The following KMT2C variants were observed in gnomAD, a reference collection of about 807,000 sequenced individuals.
KMT2C encodes the protein lysine methyltransferase 2C.
Under a neutral mutation model 507.9 loss-of-function variants are expected in KMT2C, and 88 were observed. That is an observed-to-expected ratio of 0.17 (90% CI 0.15 to 0.21). The LOEUF (loss-of-function observed/expected upper bound fraction) is 0.21, where lower values mean the gene tolerates loss of function less well. Among genes scored for constraint, KMT2C ranks in the 10% least tolerant of loss-of-function variants. KMT2C has a pLI of 1.00. For missense variants in KMT2C, 4,954 were observed against 5,957.8 expected (o/e 0.83, Z 5.55); for synonymous variants, 2,049 against 2,080.8 (o/e 0.98, Z 0.42).
At chr7:152,301,226 C>T (rs1370970153) in intron 6 of KMT2C, among the ~76,000 whole-genome samples, 1 of 149,918 alleles carries the variant, frequency 6.7e-6, no homozygotes, top group African/African-American at 2.5e-5. Context: ...AAAAGTTGGC[C>T]GGGTGTGATG....
At chr7:152,334,575 C>T (rs2096916561) in intron 2 of KMT2C, among the ~76,000 whole-genome samples, 1 of 152,160 alleles carries the variant, frequency 6.6e-6, no homozygotes, top group South Asian at 2.1e-4. Context: ...ACCCTCTTTG[C>T]AGCAAACCAT....
intron 6 of KMT2C, among the ~76,000 whole-genome samples, chr7:152,280,232 C>T (rs1382608629): frequency 6.6e-6 from 1 of 152,042 alleles, no homozygotes; most frequent in Non-Finnish European, 1.5e-5. Flanking sequence ...GTGACCCAAG[C>T]CAATAGGCAG....
At chr7:152,399,974 C>G (rs1465506623) in intron 1 of KMT2C, among the ~76,000 whole-genome samples, 1 of 151,784 alleles carries the variant, frequency 6.6e-6, no homozygotes, top group Non-Finnish European at 1.5e-5. Context: ...TTCAGTAAGT[C>G]TAATAATCCA....
chr7:152,168,408 G>C (rs1231947486), intron 41 of KMT2C, among the ~76,000 whole-genome samples: 1 of 152,114 alleles, frequency 6.6e-6, no homozygotes, highest in Non-Finnish European at 1.5e-5. Context: ...AATGTAGGGG[G>C]AATTTCAAAA....
chr7:152,214,939 A>G (rs1205005884), intron 23 of KMT2C, among the ~76,000 whole-genome samples: 1 of 152,140 alleles, frequency 6.6e-6, no homozygotes, highest in African/African-American at 2.4e-5. Context: ...AAATTTGCTG[A>G]AAGAGATTTT....
chr7:152,348,621 A>AGAAAG (rs1432987849), intron 2 of KMT2C, among the ~76,000 whole-genome samples: 5 of 143,154 alleles, frequency 3.5e-5, no homozygotes, highest in African/African-American at 1.4e-4. Context: ...AAAAAAAAAA[A>AGAAAG]AAAGAAAGAA....
At position 152,250,870 on chromosome 7, in the gene KMT2C, G is replaced by A; in HGVS notation, c.1718C>T (p.Pro573Leu). The A allele has an allele frequency of 1.3e-6, 2 of 1,587,580 alleles. No homozygotes were observed. The highest frequency in any genetic ancestry group is 1.7e-6 in the Non-Finnish European group (2 of 1,156,076). The stretch of plus-strand genomic sequence containing the variant: ...ATTCTTACCATCTGGAACAATTCCA[G>A]GAGTGGACTCCTGACCGTTGACATC... ...NKDVNGQEST[P>L]GIVPDAVQVH... is the part of the protein sequence containing the mutation. The change falls in exon 12 of 59, where the codon CCT becomes CTT. Residue 573 changes from proline (P) to leucine (L), a missense_variant. This residue lies in a region of KMT2C where 376 missense variants were observed against 352.4 expected (regional missense o/e 1.07). Transcript: ENST00000262189.
chr7:152,160,178 C>T (rs1028330349), intron 43 of KMT2C, among the ~76,000 whole-genome samples: 4 of 151,956 alleles, frequency 2.6e-5, no homozygotes, highest in African/African-American at 9.7e-5. Context: ...TTTTTTCAAC[C>T]ATTTAAAAAT....
chr7:152,416,907 G>T (rs2097743769), intron 1 of KMT2C, among the ~76,000 whole-genome samples: 1 of 151,420 alleles, frequency 6.6e-6, no homozygotes, highest in Non-Finnish European at 1.5e-5. Context: ...AAATTAGCCA[G>T]GCATGGTGGC....
chr7:152,356,980 TC>T lies in KMT2C; in HGVS notation c.250+1606del, dbSNP rs1429753735. Among the ~76,000 whole-genome samples the T allele has an allele frequency of 2.6e-4, 39 of 151,508 alleles. 1 individual carries two copies. The highest frequency in any genetic ancestry group is 2.6e-3 in the Admixed American group (39 of 15,198). ...CAGACACGGTGGCTCACACCTGTAA[TC>T]CCAGCACTTTGGGAGGTGGGTGGAT... On this transcript the variant is annotated intron_variant, in intron 2 of 58. Transcript: ENST00000262189.
intron 34 of KMT2C, among the ~76,000 whole-genome samples, chr7:152,184,619 C>T (rs1328529242): frequency 6.6e-6 from 1 of 152,186 alleles, no homozygotes; most frequent in Non-Finnish European, 1.5e-5. Context: ...GCATGCCAAT[C>T]CAGTCTCCAA....
In KMT2C at chr7:152,222,585, G is replaced by C; in HGVS notation, c.3421C>G (p.Pro1141Ala). The C allele has an allele frequency of 1.9e-6, 3 of 1,571,076 alleles. No homozygotes were observed. Among genetic ancestry groups the C allele is most frequent in the Non-Finnish European group, 2.6e-6 (3 of 1,142,862 alleles). The change falls in exon 21 of 59, where the codon CCT becomes GCT. Residue 1141 changes from proline (P) to alanine (A), a missense_variant. By Grantham distance (27) the Pro-to-Ala change is conservative. Around this residue, in one of 29 missense-constraint regions of KMT2C, gnomAD observed 52 missense variants for 162.4 expected, o/e 0.32. Transcript: ENST00000262189. ...ATTATTCTCTTACCATTAGACGCAG[G>C]CATATAGGGTCTGCACATGCTACAA... Reference protein sequence around the residue: ...FDCSMCRPYMPASNVPSSDCC... With the variant: ...FDCSMCRPYMAASNVPSSDCC...
At chr7:152,393,318 G>A (rs563155821) in intron 1 of KMT2C, among the ~76,000 whole-genome samples, 1 of 152,264 alleles carries the variant, frequency 6.6e-6, no homozygotes, top group African/African-American at 2.4e-5. Context: ...TGATCTCAGA[G>A]TTTAAAACCT....
At chr7:152,423,360 T>G (rs75949255) in intron 1 of KMT2C, among the ~76,000 whole-genome samples, 1,831 of 152,192 alleles carry the variant, frequency 0.012, 39 homozygotes, top group African/African-American at 0.042. Context: ...CAAACTACAT[T>G]CCCAGCCTCC....
At chr7:152,277,711 A>G (rs974440606) in intron 6 of KMT2C, among the ~76,000 whole-genome samples, 1 of 152,142 alleles carries the variant, frequency 6.6e-6, no homozygotes, top group African/African-American at 2.4e-5. Flanking sequence ...AGATCATTAC[A>G]AAAAAAGAAG....
chr7:152,154,490 C>A, intron 46 of KMT2C, 45 bp from the exon 47 acceptor site: 1 of 1,569,878 alleles, frequency 6.4e-7, no homozygotes, highest in South Asian at 1.1e-5. Context: ...AAATCCACCA[C>A]TGGGGGCTTC....
intron 26 of KMT2C, among the ~76,000 whole-genome samples, chr7:152,202,272 A>C (rs1192849087): frequency 6.6e-6 from 1 of 152,244 alleles, no homozygotes; most frequent in Non-Finnish European, 1.5e-5. Flanking sequence ...ATTTACAATT[A>C]GTTAGATGCA....
At chr7:152,368,397 A>G in intron 1 of KMT2C, 1 of 1,129,892 alleles carries the variant, frequency 8.9e-7, no homozygotes, top group Non-Finnish European at 1.3e-6. Context: ...ATGCAGCTAA[A>G]ATGAAGAAGA....
At chr7:152,227,973 C>T (rs572462240) in intron 18 of KMT2C, among the ~76,000 whole-genome samples, 17 of 152,234 alleles carry the variant, frequency 1.1e-4, no homozygotes, top group Non-Finnish European at 1.9e-4. Flanking sequence ...ATGCTAGGAC[C>T]GCAGCTACCA....
Sources: allele counts gnomAD v4.1 joint callset (sites outside exome capture counted in the v4.1 genomes callset), GRCh38; gene constraint gnomAD v4.1.1; regional missense constraint gnomAD v4.1.1; transcripts MANE v1.5; gene names NCBI Gene and HGNC (gene_info 2026-07-23, HGNC 2026-07-21).